ZNF18: variants seen among roughly 807,000 people sequenced by gnomAD.
ZNF18 encodes zinc finger protein 18, also known as heart development-specific gene 1 protein.
ZNF18 carries 42 observed loss-of-function variants against 58.1 expected under a neutral mutation model. The observed-to-expected ratio is 0.72, with a 90% CI of 0.56 to 0.93. ZNF18 has a LOEUF of 0.93. ZNF18 is among the 40% of genes least tolerant of loss of function. The pLI, the probability that ZNF18 is intolerant of heterozygous loss-of-function variation, is 0.00. For missense variants in ZNF18, 540 were observed against 644.2 expected, an observed-to-expected ratio of 0.84 and a Z score of 1.75; for synonymous variants, 231 against 239.8, an observed-to-expected ratio of 0.96 and a Z score of 0.34.
the ZNF18 span, among the ~76,000 whole-genome samples, chr17:12,017,655 A>C: frequency 1.3e-5 from 2 of 152,190 alleles, no homozygotes; most frequent in Non-Finnish European, 2.9e-5. Flanking sequence ...AGGCAGGCAG[A>C]TCACCTAAGG....
At position 11,984,184 on chromosome 17, in the gene ZNF18, T is replaced by C; in HGVS notation, c.680A>G (p.Gln227Arg). ...TTGCTCCTTTTGAGTGGAATCCAGT[T>C]GTCTCCACTGTTCCTGGAAAAAAAA... ...LPAAPQEQWR[Q>R]LDSTQKEQYW... The change falls in exon 5 of 7, where the codon CAA becomes CGA. Residue 227 changes from glutamine to arginine, a missense_variant. Transcript: ENST00000580306. 1 of 1,608,652 alleles carries C rather than the reference T, an allele frequency of 6.2e-7. No homozygotes were observed. The highest frequency in any genetic ancestry group is 8.5e-7 in the Non-Finnish European group (1 of 1,178,212).
chr17:11,998,044 G>GTC (rs200300397), upstream of ZNF18, among the ~76,000 whole-genome samples: 1 of 134,852 alleles, frequency 7.4e-6, no homozygotes, highest in South Asian at 2.7e-4. Context: ...TTCCACCTGC[G>GTC]TCTCTCTCTC....
At position 11,977,859 on chromosome 17, in the gene ZNF18, C is replaced by T. The variant is rs1215380934; in HGVS notation, c.*98G>A. ...CCAATCCAAGAAAAAAGGAGATTAA[C>T]AGGGGTATCCTCTTAGACACAATTC... On this transcript the variant is annotated 3_prime_UTR_variant, in exon 7 of 7. Transcript: ENST00000580306. The T allele has an allele frequency of 1.2e-5, 16 of 1,379,588 alleles. No homozygotes were observed. Among genetic ancestry groups the T allele is most frequent in the Middle Eastern group, 3.9e-4 (2 of 5,090 alleles). 85.5% of individuals were successfully genotyped at this position (1,379,588 alleles called of 1,614,324 possible).
chr17:11,999,368 A>C (rs1597990907), upstream of ZNF18, among the ~76,000 whole-genome samples: 1 of 152,276 alleles, frequency 6.6e-6, no homozygotes, highest in African/African-American at 2.4e-5. Flanking sequence ...GAACCCACAA[A>C]CCTCAGTTTG....
At chr17:11,993,293 A>G (rs1441061008) in intron 1 of ZNF18, among the ~76,000 whole-genome samples, 2 of 152,208 alleles carry the variant, frequency 1.3e-5, no homozygotes, top group Non-Finnish European at 2.9e-5. Context: ...CTGGAAAAAG[A>G]TATTAATGCC....
chr17:12,012,480 G>GT, the ZNF18 span, among the ~76,000 whole-genome samples: 1 of 152,148 alleles, frequency 6.6e-6, no homozygotes, highest in Non-Finnish European at 1.5e-5. Context: ...ACGTCTAGAG[G>GT]TATAATTTCT....
chr17:11,987,094 T>C (rs1252176062), intron 4 of ZNF18, among the ~76,000 whole-genome samples: 1 of 152,220 alleles, frequency 6.6e-6, no homozygotes, highest in Non-Finnish European at 1.5e-5. Flanking sequence ...TAACTTTCTA[T>C]CCTGAAAGAC....
chr17:11,992,698 GAA>G lies in ZNF18; in HGVS notation c.130_131del (p.Phe44GlnfsTer13), dbSNP rs759665110. On this transcript the variant is annotated frameshift_variant, in exon 2 of 7. Transcript: ENST00000580306. LOFTEE classifies it high-confidence loss of function. ...ACATCACCTGGTAACGGAACTGCCT[GAA>G]AAGCTGGCGTGCGGTCTCAGGGCTG... ...LSSPETARQL[F>X]RQFRYQVMSG... is the part of the protein sequence containing the mutation. The G allele has an allele frequency of 6.2e-7, 1 of 1,614,266 alleles. No individual in the cohort carries two copies. The highest frequency in any genetic ancestry group is 1.1e-5 in the South Asian group (1 of 91,090).
intron 1 of ZNF18, among the ~76,000 whole-genome samples, chr17:11,996,457 ATACT>A (rs1261939322): frequency 1.3e-5 from 2 of 152,220 alleles, no homozygotes; most frequent in African/African-American, 4.8e-5. Context: ...ATTTTATAAA[ATACT>A]TAAATCTTTT....
intron 4 of ZNF18, among the ~76,000 whole-genome samples, chr17:11,984,647 T>C (rs1307460933): frequency 2.0e-5 from 3 of 152,022 alleles, no homozygotes; most frequent in Non-Finnish European, 4.4e-5. Context: ...CCGAGGAAGC[T>C]TGGACTATAG....
At chr17:12,020,827 A>C in the ZNF18 span, 1 of 777,520 alleles carries the variant, frequency 1.3e-6, no homozygotes. Flanking sequence ...CGGCCGTGCG[A>C]GAGGCCGAGC....
chr17:12,006,822 AG>A, the ZNF18 span, among the ~76,000 whole-genome samples: 1 of 152,350 alleles, frequency 6.6e-6, no homozygotes, highest in South Asian at 2.1e-4. Context: ...CCCAGAAGAA[AG>A]AAAAAAGCTG....
At chr17:12,002,946 C>G in the ZNF18 span, among the ~76,000 whole-genome samples, 1 of 152,094 alleles carries the variant, frequency 6.6e-6, no homozygotes, top group African/African-American at 2.4e-5. Context: ...GAAACCACTC[C>G]CGACACCCTC....
chr17:11,986,398 A>T (rs987791253), intron 4 of ZNF18, among the ~76,000 whole-genome samples: 4 of 152,172 alleles, frequency 2.6e-5, no homozygotes, highest in African/African-American at 9.7e-5. Context: ...GCTCAAGGAG[A>T]AAAGAGATAC....
chr17:12,020,821 C>G, the ZNF18 span: 4 of 708,816 alleles, frequency 5.6e-6, no homozygotes, highest in Middle Eastern at 4.7e-4. Flanking sequence ...GCCCCTCGGC[C>G]GTGCGAGAGG....
upstream of ZNF18, among the ~76,000 whole-genome samples, chr17:12,001,490 G>A (rs541515294): frequency 2.8e-4 from 43 of 152,172 alleles, 1 homozygote; most frequent in African/African-American, 7.7e-4. Context: ...TTAGCCAGGC[G>A]TGGTGGCAGG....
chr17:11,988,286 G>C (rs1274909362), intron 4 of ZNF18, among the ~76,000 whole-genome samples: 1 of 152,172 alleles, frequency 6.6e-6, no homozygotes, highest in African/African-American at 2.4e-5. Context: ...CTGAAAGTGG[G>C]AAAGCAAATT....
In ZNF18 at chr17:11,978,025, T is replaced by C; in HGVS notation, c.1582A>G (p.Ser528Gly). The C allele has an allele frequency of 1.9e-6, 3 of 1,608,064 alleles. No homozygotes were observed. The highest frequency in any genetic ancestry group is 2.5e-6 in the Non-Finnish European group (3 of 1,177,018). Reference protein sequence around the residue: ...KPYKCSHCGKSFSWSSSLDKH... With the variant: ...KPYKCSHCGKGFSWSSSLDKH... Reference sequence around the variant, plus strand: ...TCAAGGCTCGAGCTCCAGCTGAAACTTTTCCCACAGTGCGAACATTTATAA... The same window carrying C: ...TCAAGGCTCGAGCTCCAGCTGAAACCTTTCCCACAGTGCGAACATTTATAA... The change falls in exon 7 of 7, where the codon AGT becomes GGT. Residue 528 changes from serine to glycine, a missense_variant. Coordinates refer to ENST00000580306, the MANE Select transcript of ZNF18 (RefSeq NM_001303281.2).
chr17:12,002,819 G>T, the ZNF18 span, among the ~76,000 whole-genome samples: 1 of 152,184 alleles, frequency 6.6e-6, no homozygotes, highest in South Asian at 2.1e-4. Flanking sequence ...CTGGAACTGA[G>T]GAGCAGAAAG....
Sources: allele counts gnomAD v4.1 joint callset (sites outside exome capture counted in the v4.1 genomes callset), GRCh38; gene constraint gnomAD v4.1.1; transcripts MANE v1.5; gene names NCBI Gene and HGNC (gene_info 2026-07-23, HGNC 2026-07-21).